The following PLCB1 variants were observed in gnomAD, a reference collection of about 807,000 sequenced individuals.
The protein encoded by PLCB1 is phospholipase C beta 1.
A neutral mutation model predicts 161.8 loss-of-function variants in PLCB1; 46 were observed. That is an observed-to-expected ratio of 0.28 (90% CI 0.22 to 0.36). PLCB1 has a LOEUF of 0.36. Among genes scored for constraint, PLCB1 ranks in the 10% least tolerant of loss-of-function variants. The pLI is 1.00. For synonymous variants in PLCB1, 517 were observed against 503.7 expected (o/e 1.03, Z -0.35); for missense variants, 1,016 against 1,472.5 (o/e 0.69, Z 5.07).
At chr20:8,153,987 C>T (rs113429092) in intron 2 of PLCB1, among the ~76,000 whole-genome samples, 435 of 152,296 alleles carry the variant, frequency 2.9e-3, no homozygotes, top group Non-Finnish European at 4.4e-3. Flanking sequence ...AAACTGCACT[C>T]TCCCATTGAC....
chr20:8,413,801 G>A (rs1013223436), intron 3 of PLCB1, among the ~76,000 whole-genome samples: 2 of 152,148 alleles, frequency 1.3e-5, no homozygotes, highest in Admixed American at 6.5e-5. Context: ...AAACTCAAGA[G>A]CTAGAATAAT....
At chr20:8,772,046 ATT>A (rs57175112) in intron 26 of PLCB1, among the ~76,000 whole-genome samples, 6,036 of 121,770 alleles carry the variant, frequency 0.05, 278 homozygotes, top group African/African-American at 0.14. Flanking sequence ...GGCCCGGTTA[ATT>A]TTTTTTTTTT....
intron 14 of PLCB1, among the ~76,000 whole-genome samples, chr20:8,719,051 C>T (rs1979486683): frequency 6.6e-6 from 1 of 152,150 alleles, no homozygotes; most frequent in African/African-American, 2.4e-5. Context: ...AATTCAGTGG[C>T]ACTCATTTCC....
intron 31 of PLCB1, among the ~76,000 whole-genome samples, chr20:8,875,256 G>C (rs1222592290): frequency 6.7e-6 from 1 of 150,110 alleles, no homozygotes; most frequent in African/African-American, 2.4e-5. Flanking sequence ...GCTTAAAAAG[G>C]TCTCTGTACC....
chr20:8,677,848 C>T lies in PLCB1; in HGVS notation c.863-7084C>T, dbSNP rs1042756884. ...TGCAAGCCTCAAGAAACTTAACATT[C>T]ATGAATGCTTTCTCTGGAAGCTACT... On this transcript the variant is annotated intron_variant, in intron 9 of 31. Transcript: ENST00000338037. 2.0e-5 allele frequency among the ~76,000 whole-genome samples: 3 copies of T among 152,160 alleles called. 1 individual carries two copies. Among genetic ancestry groups the T allele is most frequent in the Admixed American group, 2.0e-4 (3 of 15,278 alleles).
At chr20:8,556,656 GGTGTGTGTGTGTGTGTGTGTGTGTGTGT>G (rs58160557) in intron 3 of PLCB1, among the ~76,000 whole-genome samples, 1 of 141,780 alleles carries the variant, frequency 7.1e-6, no homozygotes, top group African/African-American at 2.6e-5. Flanking sequence ...GAGAGGGTTG[GGTGTGTGTGTGTGTGTGTGTGTGTGTGT>G]GTGTGTGTGT....
chr20:8,692,800 A>G (rs1366682583), intron 10 of PLCB1, among the ~76,000 whole-genome samples: 4 of 152,104 alleles, frequency 2.6e-5, no homozygotes, highest in African/African-American at 9.7e-5. Flanking sequence ...TGACCCTTCT[A>G]AGAGTGAAGA....
At chr20:8,656,061 A>G (rs1989450067) in intron 7 of PLCB1, among the ~76,000 whole-genome samples, 1 of 152,052 alleles carries the variant, frequency 6.6e-6, no homozygotes, top group Non-Finnish European at 1.5e-5. Flanking sequence ...CTGCTCTTGG[A>G]TTTGACCGCT....
chr20:8,633,514 T>C (rs898030597), intron 4 of PLCB1, among the ~76,000 whole-genome samples: 2 of 151,994 alleles, frequency 1.3e-5, no homozygotes, highest in Admixed American at 6.6e-5. Flanking sequence ...CTGGATGAGA[T>C]CAGCCAGGAA....
intron 3 of PLCB1, among the ~76,000 whole-genome samples, chr20:8,621,131 C>A (rs1427617457): frequency 6.6e-6 from 1 of 152,092 alleles, no homozygotes; most frequent in Non-Finnish European, 1.5e-5. Flanking sequence ...GAAGCATTGA[C>A]CTTGGATGAA....
chr20:8,733,743 A>G (rs190473717), intron 19 of PLCB1, among the ~76,000 whole-genome samples: 1,993 of 150,042 alleles, frequency 0.013, 35 homozygotes, highest in African/African-American at 0.045. Context: ...TACATATGTA[A>G]CTAACCTGCA....
chr20:8,265,031 T>C (rs1981886179), intron 2 of PLCB1, among the ~76,000 whole-genome samples: 1 of 152,168 alleles, frequency 6.6e-6, no homozygotes, highest in Non-Finnish European at 1.5e-5. Context: ...AGGAAATTAC[T>C]CGTAAGTCCA....
intron 14 of PLCB1, among the ~76,000 whole-genome samples, chr20:8,720,857 T>A (rs35517226): frequency 2.8e-5 from 4 of 141,992 alleles, no homozygotes; most frequent in Admixed American, 7.0e-5. Flanking sequence ...TTTTTTTTTT[T>A]TAAAAAAAAA....
intron 3 of PLCB1, among the ~76,000 whole-genome samples, chr20:8,446,887 GATGTTATCTTCTA>G (rs1282815586): frequency 1.3e-5 from 2 of 152,006 alleles, no homozygotes; most frequent in Non-Finnish European, 2.9e-5. Flanking sequence ...CATCATGGAA[GATGTTATCTTCTA>G]ATTTTACTTG....
intron 3 of PLCB1, among the ~76,000 whole-genome samples, chr20:8,386,832 A>C (rs946396093): frequency 1.3e-5 from 2 of 152,236 alleles, no homozygotes; most frequent in Non-Finnish European, 2.9e-5. Flanking sequence ...TAGCTTCTCC[A>C]TCAGCACTTC....
intron 31 of PLCB1, among the ~76,000 whole-genome samples, chr20:8,860,703 G>C (rs1987225648): frequency 6.6e-6 from 1 of 152,192 alleles, no homozygotes; most frequent in African/African-American, 2.4e-5. Flanking sequence ...ATTCCTCTTT[G>C]AGAAATTAGT....
At chr20:8,698,894 C>T (rs1019229621) in intron 11 of PLCB1, among the ~76,000 whole-genome samples, 1 of 152,000 alleles carries the variant, frequency 6.6e-6, no homozygotes, top group Non-Finnish European at 1.5e-5. Flanking sequence ...CTTTTTCCAC[C>T]CTTAGCTCTA....
intron 3 of PLCB1, among the ~76,000 whole-genome samples, chr20:8,531,634 C>T (rs1431542928): frequency 6.6e-6 from 1 of 152,080 alleles, no homozygotes; most frequent in South Asian, 2.1e-4. Flanking sequence ...CAATGCTTCT[C>T]CTATCTCTGT....
At chr20:8,395,864 T>C (rs77460043) in intron 3 of PLCB1, among the ~76,000 whole-genome samples, 1 of 151,926 alleles carries the variant, frequency 6.6e-6, no homozygotes, top group East Asian at 1.9e-4. Context: ...ATATAGAAAG[T>C]CATAATAGAT....
Sources: allele counts gnomAD v4.1 joint callset (sites outside exome capture counted in the v4.1 genomes callset), GRCh38; gene constraint gnomAD v4.1.1; transcripts MANE v1.5; gene names NCBI Gene and HGNC (gene_info 2026-07-23, HGNC 2026-07-21).